Variants in NR3C2 observed in about 807,000 individuals in gnomAD.
The protein encoded by NR3C2 is nuclear receptor subfamily 3 group C member 2.
NR3C2 carries 15 observed loss-of-function variants against 86.4 expected under a neutral mutation model. The ratio of observed to expected loss-of-function variants is 0.17; its 90% CI spans 0.12 to 0.27. The LOEUF is 0.27. NR3C2 is among the 10% of genes least tolerant of loss of function. The probability of loss-of-function intolerance (pLI) is 1.00; values close to 1 mark genes in which losing one functional copy is unlikely to be tolerated. For missense variants in NR3C2, 960 were observed against 1,195.6 expected, an observed-to-expected ratio of 0.80 and a Z score of 2.91; for synonymous variants, 458 against 450.5, an observed-to-expected ratio of 1.02 and a Z score of -0.21.
intron 2 of NR3C2, among the ~76,000 whole-genome samples, chr4:148,377,253 T>C (rs1041235554): frequency 1.3e-5 from 2 of 151,696 alleles, no homozygotes; most frequent in Non-Finnish European, 2.9e-5. Flanking sequence ...TAGATAAGAG[T>C]TCAAGGAAAG....
At chr4:148,129,029 T>G (rs1262052434) in intron 6 of NR3C2, among the ~76,000 whole-genome samples, 1 of 152,222 alleles carries the variant, frequency 6.6e-6, no homozygotes, top group African/African-American at 2.4e-5. Flanking sequence ...AACTTCTACT[T>G]AATGAATCTC....
chr4:148,149,543 AAAG>A (rs1487473642), intron 6 of NR3C2, among the ~76,000 whole-genome samples: 1 of 152,222 alleles, frequency 6.6e-6, no homozygotes, highest in African/African-American at 2.4e-5. Context: ...AAAGGCAACA[AAAG>A]AAGAGATTTT....
chr4:148,317,877 TC>T lies in NR3C2; in HGVS notation c.1758-57761del, dbSNP rs1381383463. On this transcript the variant is annotated intron_variant, in intron 2 of 8. Transcript: ENST00000358102. Reference sequence around the variant, plus strand: ...TGTTCTAGTTAAGCTGTTTTCTTTTTCTTTTTTTTTATTATACTTTAAGTTT... The same window carrying T: ...TGTTCTAGTTAAGCTGTTTTCTTTTTTTTTTTTTTATTATACTTTAAGTTT... Among the ~76,000 whole-genome samples, 45 of 142,100 alleles carry T rather than the reference TC, an allele frequency of 3.2e-4. 1 individual carries two copies. The highest frequency in any genetic ancestry group is 1.0e-3 in the African/African-American group (40 of 39,826). 93.2% of individuals were successfully genotyped at this position (142,100 alleles called of 152,430 possible). A position where few individuals can be genotyped will look rare whatever the true frequency, so the allele number is the denominator to read the frequency against.
intron 2 of NR3C2, among the ~76,000 whole-genome samples, chr4:148,274,979 T>A (rs979892998): frequency 3.3e-5 from 5 of 152,160 alleles, no homozygotes; most frequent in African/African-American, 1.2e-4. Flanking sequence ...ATTACAGGCA[T>A]GAGCCACCGC....
chr4:148,143,014 T>G (rs1367177693), intron 6 of NR3C2, among the ~76,000 whole-genome samples: 1 of 152,228 alleles, frequency 6.6e-6, no homozygotes, highest in Non-Finnish European at 1.5e-5. Context: ...GCCGGTGCTA[T>G]GCCTCCTGTA....
In NR3C2 at chr4:148,260,100, A is replaced by C. The variant is rs1356974651; in HGVS notation, c.1775T>G (p.Val592Gly). 1.2e-6 allele frequency: 2 copies of C among 1,614,082 alleles called. No homozygotes were observed. Among genetic ancestry groups the C allele is most frequent in the Non-Finnish European group, 1.7e-6 (2 of 1,180,002 alleles). Residue 592 changes from valine (V) to glycine (G), a missense_variant, in exon 3 of 9, where the codon GTT becomes GGT. By Grantham distance (109) the Val-to-Gly change is moderately radical. Transcript: ENST00000358102. Reference sequence around the variant, plus strand: ...TGAAGGTCTTGAAGATCCAGTAGAAACACTTCGTAAAGTAGAGCTGGGGAA... The same window carrying C: ...TGAAGGTCTTGAAGATCCAGTAGAACCACTTCGTAAAGTAGAGCTGGGGAA... ...ENVSSSTLRS[V>G]STGSSRPSKI... is the part of the protein sequence containing the mutation.
chr4:148,307,050 A>C (rs1458424978), intron 2 of NR3C2, among the ~76,000 whole-genome samples: 2 of 152,076 alleles, frequency 1.3e-5, no homozygotes, highest in Non-Finnish European at 2.9e-5. Flanking sequence ...TATTTTTGTG[A>C]CACTTTAGTG....
intron 4 of NR3C2, among the ~76,000 whole-genome samples, chr4:148,161,610 C>A (rs1734665833): frequency 1.3e-5 from 2 of 152,098 alleles, no homozygotes; most frequent in Non-Finnish European, 2.9e-5. Context: ...TCTGCCTTGG[C>A]CTCATATATT....
In NR3C2 at chr4:148,251,321, C is replaced by T. The variant is rs77570941; in HGVS notation, c.1897+8657G>A. On this transcript the variant is annotated intron_variant, in intron 3 of 8. Coordinates refer to ENST00000358102, the MANE Select transcript of NR3C2 (RefSeq NM_000901.5). ...CTCCATGACAACCTAAATGCCCACC[C>T]ATCCTTCCCATCCTGCCAAGGCTCA... is the stretch of plus-strand genomic sequence containing the variant. Among the ~76,000 whole-genome samples, 513 of 152,290 alleles carry T rather than the reference C, an allele frequency of 3.4e-3. 5 individuals are homozygous for T. The highest frequency in any genetic ancestry group is 0.011 in the African/African-American group (472 of 41,578).
At chr4:148,169,955 G>A (rs1291775286) in intron 4 of NR3C2, among the ~76,000 whole-genome samples, 1 of 152,208 alleles carries the variant, frequency 6.6e-6, no homozygotes, top group African/African-American at 2.4e-5. Flanking sequence ...GAAAGCAGGA[G>A]AAAGAGAGAA....
chr4:148,436,668 T>C lies in NR3C2; in HGVS notation c.193A>G (p.Lys65Glu), dbSNP rs1553943356. Residue 65 changes from lysine (K) to glutamate (E), a missense_variant, in exon 2 of 9, where the codon AAA (lysine) becomes GAA (glutamate). Lys to Glu is a moderately conservative substitution (Grantham distance 56). Transcript: ENST00000358102. ...IPNNSTQGSS[K>E]EKQELLPCLQ... ...CAAGGGAGTAGTTCTTGTTTTTCTTTGCTGCTTCCTTGAGTACTGTTGTTT... is the reference window on the plus strand; with the variant it reads ...CAAGGGAGTAGTTCTTGTTTTTCTTCGCTGCTTCCTTGAGTACTGTTGTTT... 6.2e-7 allele frequency: 1 copy of C among 1,614,226 alleles called. No homozygotes were observed. The highest frequency in any genetic ancestry group is 1.7e-5 in the Admixed American group (1 of 60,026).
intron 2 of NR3C2, among the ~76,000 whole-genome samples, chr4:148,433,717 T>C (rs1223513882): frequency 2.6e-5 from 4 of 152,160 alleles, no homozygotes; most frequent in Non-Finnish European, 5.9e-5. Flanking sequence ...TACTACCTCA[T>C]ACCAGCTCAC....
intron 2 of NR3C2, among the ~76,000 whole-genome samples, chr4:148,389,415 A>G (rs903952324): frequency 2.6e-5 from 4 of 152,110 alleles, no homozygotes; most frequent in African/African-American, 9.7e-5. Context: ...TAAATGCACT[A>G]TTTTCGAAAT....
intron 6 of NR3C2, among the ~76,000 whole-genome samples, chr4:148,136,967 T>C (rs1201417696): frequency 6.6e-6 from 1 of 152,208 alleles, no homozygotes; most frequent in Non-Finnish European, 1.5e-5. Context: ...GTAGCCACCA[T>C]GGTATAGATA....
intron 4 of NR3C2, among the ~76,000 whole-genome samples, chr4:148,161,428 C>A (rs1250416651): frequency 6.6e-6 from 1 of 151,942 alleles, no homozygotes; most frequent in East Asian, 1.9e-4. Flanking sequence ...CGGCTCACTG[C>A]AACCTCCGTC....
At chr4:148,357,751 A>G (rs1033497811) in intron 2 of NR3C2, among the ~76,000 whole-genome samples, 1 of 152,136 alleles carries the variant, frequency 6.6e-6, no homozygotes, top group Non-Finnish European at 1.5e-5. Context: ...AATCTCCATT[A>G]TATCTTTTCC....
chr4:148,204,067 CTTG>C (rs1736875903), intron 3 of NR3C2, among the ~76,000 whole-genome samples: 1 of 152,052 alleles, frequency 6.6e-6, no homozygotes, highest in South Asian at 2.1e-4. Context: ...AAACATTCTT[CTTG>C]TTGTGAAAGG....
chr4:148,387,129 T>C (rs72729980), intron 2 of NR3C2, among the ~76,000 whole-genome samples: 47,492 of 152,046 alleles, frequency 0.31, 7,992 homozygotes, highest in African/African-American at 0.44. Context: ...CCAGGAAAGC[T>C]CTTTAAGCGG....
intron 8 of NR3C2, among the ~76,000 whole-genome samples, chr4:148,094,737 A>G (rs1404794937): frequency 7.4e-6 from 1 of 135,902 alleles, no homozygotes; most frequent in Admixed American, 6.9e-5. Flanking sequence ...CAAAAAAAAC[A>G]AAAAAACAAA....
Sources: gnomAD v4.1 joint callset for allele counts (sites outside exome capture counted in the v4.1 genomes callset) on GRCh38, gnomAD v4.1.1 for gene constraint, MANE v1.5 for transcripts, NCBI Gene and HGNC (gene_info 2026-07-23, HGNC 2026-07-21) for gene names.